The following FRMD4A variants were observed in gnomAD, a reference collection of about 807,000 sequenced individuals.
The protein encoded by FRMD4A is FERM domain-containing protein 4A.
A neutral mutation model predicts 129.1 loss-of-function variants in FRMD4A; 29 were observed. That is an observed-to-expected ratio of 0.22 (90% CI 0.17 to 0.31). The LOEUF (loss-of-function observed/expected upper bound fraction) is 0.31. FRMD4A is among the 10% of genes least tolerant of loss of function. The pLI, the probability that FRMD4A is intolerant of heterozygous loss-of-function variation, is 1.00. For missense variants in FRMD4A, 1,272 were observed against 1,375.8 expected (o/e 0.92, Z 1.19); for synonymous variants, 634 against 571.6 (o/e 1.11, Z -1.56).
intron 2 of FRMD4A, among the ~76,000 whole-genome samples, chr10:14,214,175 C>T (rs993917222): frequency 4.6e-5 from 7 of 152,168 alleles, no homozygotes; most frequent in African/African-American, 4.8e-5. Flanking sequence ...TCAGGCTTTT[C>T]TTCATAGCAG....
chr10:13,749,521 G>A (rs978336672), intron 8 of FRMD4A, among the ~76,000 whole-genome samples: 2 of 152,094 alleles, frequency 1.3e-5, no homozygotes, highest in Non-Finnish European at 2.9e-5. Flanking sequence ...TGTCCCCGGC[G>A]AGAAATACAG....
At chr10:14,057,534 C>T (rs1287430206) in intron 2 of FRMD4A, among the ~76,000 whole-genome samples, 1 of 151,824 alleles carries the variant, frequency 6.6e-6, no homozygotes, top group African/African-American at 2.4e-5. Context: ...GTTTTGAAAC[C>T]AAAGGCCTCC....
At chr10:13,995,508 G>A (rs1016476977) in intron 2 of FRMD4A, among the ~76,000 whole-genome samples, 2 of 152,174 alleles carry the variant, frequency 1.3e-5, no homozygotes, top group African/African-American at 2.4e-5. Flanking sequence ...TCACTAGAAC[G>A]TGGGAGGTGG....
intron 2 of FRMD4A, among the ~76,000 whole-genome samples, chr10:14,057,826 T>C (rs1389566705): frequency 6.6e-4 from 100 of 152,202 alleles, no homozygotes; most frequent in Non-Finnish European, 1.5e-5. Flanking sequence ...CATCTTGGCC[T>C]CACAAAGTGC....
chr10:13,768,063 C>T (rs954876972), intron 6 of FRMD4A, among the ~76,000 whole-genome samples: 2 of 147,092 alleles, frequency 1.4e-5, no homozygotes, highest in Admixed American at 1.4e-4. Context: ...AAAGACGAAC[C>T]GTGACCGTCT....
chr10:14,203,542 C>G (rs919097803), intron 2 of FRMD4A, among the ~76,000 whole-genome samples: 2 of 152,180 alleles, frequency 1.3e-5, no homozygotes, highest in Non-Finnish European at 2.9e-5. Flanking sequence ...GGCTTTTGCC[C>G]TTCTCTAATA....
chr10:14,035,849 A>G (rs747301855), intron 2 of FRMD4A, among the ~76,000 whole-genome samples: 2 of 152,136 alleles, frequency 1.3e-5, no homozygotes, highest in Non-Finnish European at 2.9e-5. Flanking sequence ...CTTCCTTTCC[A>G]TGTGTTTTGC....
intron 5 of FRMD4A, among the ~76,000 whole-genome samples, chr10:13,787,296 C>T (rs563836344): frequency 3.3e-5 from 5 of 152,262 alleles, no homozygotes; most frequent in South Asian, 4.2e-4. Flanking sequence ...AGCTTTCCCT[C>T]CCTGCCAGGG....
intron 2 of FRMD4A, among the ~76,000 whole-genome samples, chr10:14,268,887 TG>T (rs1215123826): frequency 6.6e-6 from 1 of 152,202 alleles, no homozygotes. Context: ...CCAAATCAAA[TG>T]GAAGTTGGGT....
At chr10:14,002,070 A>C (rs1456647312) in intron 2 of FRMD4A, among the ~76,000 whole-genome samples, 1 of 152,202 alleles carries the variant, frequency 6.6e-6, no homozygotes, top group Non-Finnish European at 1.5e-5. Flanking sequence ...ACCTGGAATA[A>C]CACATCATAT....
At chr10:13,848,911 G>A (rs1240388878) in intron 3 of FRMD4A, among the ~76,000 whole-genome samples, 2 of 152,138 alleles carry the variant, frequency 1.3e-5, no homozygotes, top group Non-Finnish European at 2.9e-5. Flanking sequence ...ATCACTCAAT[G>A]CGTTTTTTAT....
rs1014179221 is a variant in FRMD4A at position 14,014,264 on chromosome 10, G to A, written c.46-155352C>T. 4.6e-5 allele frequency among the ~76,000 whole-genome samples: 7 copies of A among 152,230 alleles called. 1 individual carries two copies. The Middle Eastern group carries it at 0.01, about 222-fold the overall frequency. On this transcript the variant is annotated intron_variant, in intron 2 of 24. Coordinates refer to ENST00000357447, the MANE Select transcript of FRMD4A (RefSeq NM_018027.5). ...AGGATGAAATTGAACCAAAACACAC[G>A]CAAGAAGAAAACATATTCTTCCTAA...
chr10:14,233,690 C>T (rs373586847), intron 2 of FRMD4A, among the ~76,000 whole-genome samples: 1 of 152,244 alleles, frequency 6.6e-6, no homozygotes, highest in Non-Finnish European at 1.5e-5. Flanking sequence ...TAAAAACAGG[C>T]ACGCTGAAAA....
At position 13,820,958 on chromosome 10, in the gene FRMD4A, G is replaced by A. The variant is rs916430466; in HGVS notation, c.112-10050C>T. 3.9e-5 allele frequency among the ~76,000 whole-genome samples: 6 copies of A among 152,306 alleles called. No individual in the cohort carries two copies. The South Asian group carries it at 8.3e-4, about 21-fold the overall frequency. Reference sequence around the variant, plus strand: ...CAGGAGGGGCCGGGGTTAGCTTTTCGGAAAACCCAGAGGGAAAGAGCAGGG... The same window carrying A: ...CAGGAGGGGCCGGGGTTAGCTTTTCAGAAAACCCAGAGGGAAAGAGCAGGG... On this transcript the variant is annotated intron_variant, in intron 3 of 24. Transcript: ENST00000357447.
chr10:13,832,069 T>C (rs1433007563), intron 3 of FRMD4A, among the ~76,000 whole-genome samples: 3 of 152,164 alleles, frequency 2.0e-5, no homozygotes, highest in Non-Finnish European at 2.9e-5. Context: ...TCCATTCTAA[T>C]GTGCATGAGT....
At chr10:13,961,409 G>C (rs878936496) in intron 2 of FRMD4A, among the ~76,000 whole-genome samples, 3 of 152,208 alleles carry the variant, frequency 2.0e-5, no homozygotes, top group South Asian at 2.1e-4. Flanking sequence ...AAGGGCCAGT[G>C]GTGGGTATGA....
At chr10:13,711,374 G>T (rs1275712823) in intron 12 of FRMD4A, among the ~76,000 whole-genome samples, 1 of 152,242 alleles carries the variant, frequency 6.6e-6, no homozygotes, top group East Asian at 1.9e-4. Context: ...ACAGGGTAAG[G>T]TGGGCTCTGA....
intron 16 of FRMD4A, among the ~76,000 whole-genome samples, chr10:13,671,430 G>T (rs1455434930): frequency 1.3e-5 from 2 of 152,106 alleles, no homozygotes; most frequent in African/African-American, 4.8e-5. Flanking sequence ...CTCCAGCCTG[G>T]GTGACAGATC....
chr10:14,262,071 C>T (rs1174820371), intron 2 of FRMD4A, among the ~76,000 whole-genome samples: 1 of 152,102 alleles, frequency 6.6e-6, no homozygotes, highest in African/African-American at 2.4e-5. Flanking sequence ...CTTCCTCTCC[C>T]TCTGTGCAAT....
Sources: gnomAD v4.1 joint callset for allele counts (sites outside exome capture counted in the v4.1 genomes callset) on GRCh38, gnomAD v4.1.1 for gene constraint, MANE v1.5 for transcripts, NCBI Gene and HGNC (gene_info 2026-07-23, HGNC 2026-07-21) for gene names.